The following PEAK1 variants were observed in gnomAD, a reference collection of about 807,000 sequenced individuals.
PEAK1 encodes the protein inactive tyrosine-protein kinase PEAK1.
Under a neutral mutation model 124.7 loss-of-function variants are expected in PEAK1, and 54 were observed. That is an observed-to-expected ratio of 0.43 (90% CI 0.35 to 0.54). The LOEUF is 0.54. Among genes scored for constraint, PEAK1 ranks in the 20% least tolerant of loss-of-function variants. The probability of loss-of-function intolerance (pLI) is 0.01; values close to 1 mark genes in which losing one functional copy is unlikely to be tolerated. For synonymous variants in PEAK1, 719 were observed against 760.0 expected, an observed-to-expected ratio of 0.95 and a Z score of 0.89; for missense variants, 2,046 against 2,134.5, an observed-to-expected ratio of 0.96 and a Z score of 0.82.
chr15:77,346,681 A>C, intron 2 of PEAK1: 1 of 984,076 alleles, frequency 1.0e-6, no homozygotes, highest in Non-Finnish European at 1.2e-6. Flanking sequence ...AAAAACATTA[A>C]TTGTATCTTC....
intron 6 of PEAK1, among the ~76,000 whole-genome samples, chr15:77,208,734 C>T (rs1226986917): frequency 6.6e-6 from 1 of 152,104 alleles, no homozygotes; most frequent in African/African-American, 2.4e-5. Flanking sequence ...GGTTATAAAA[C>T]AGCTAAAGCC....
intron 5 of PEAK1, among the ~76,000 whole-genome samples, chr15:77,256,725 T>C (rs538740725): frequency 2.6e-5 from 4 of 152,152 alleles, no homozygotes; most frequent in African/African-American, 9.7e-5. Flanking sequence ...TAATTTTTTT[T>C]AAATTTTATT....
At chr15:77,331,567 A>C (rs76938225) in intron 2 of PEAK1, among the ~76,000 whole-genome samples, 308 of 152,252 alleles carry the variant, frequency 2.0e-3, no homozygotes, top group African/African-American at 7.1e-3. Flanking sequence ...TTTTAAGTAC[A>C]ATTGTTGGAT....
chr15:77,248,494 CT>C (rs1425492466), intron 6 of PEAK1, among the ~76,000 whole-genome samples: 1 of 152,124 alleles, frequency 6.6e-6, no homozygotes, highest in Non-Finnish European at 1.5e-5. Flanking sequence ...TGATTATATC[CT>C]GAGGACAGAG....
intron 6 of PEAK1, among the ~76,000 whole-genome samples, chr15:77,198,959 GA>G (rs1330355483): frequency 6.6e-6 from 1 of 152,164 alleles, no homozygotes; most frequent in African/African-American, 2.4e-5. Flanking sequence ...TTTGTGGGGG[GA>G]AAAAGCCACC....
At chr15:77,176,297 C>T (rs1056079872) in intron 7 of PEAK1, among the ~76,000 whole-genome samples, 2 of 145,406 alleles carry the variant, frequency 1.4e-5, no homozygotes, top group Admixed American at 6.8e-5. Context: ...AAGAAAAATG[C>T]TAACAAATAA....
chr15:77,289,332 A>C (rs1411180523), intron 2 of PEAK1, among the ~76,000 whole-genome samples: 1 of 152,226 alleles, frequency 6.6e-6, no homozygotes, highest in East Asian at 1.9e-4. Context: ...AGTTTACTGA[A>C]ATTAGAATAA....
chr15:77,107,195 G>C (rs1240244501), downstream of PEAK1: 1 of 152,292 alleles, frequency 6.6e-6, no homozygotes, highest in East Asian at 1.9e-4. Flanking sequence ...CTGACAACTA[G>C]AAGGGAAGTT....
intron 2 of PEAK1, among the ~76,000 whole-genome samples, chr15:77,362,835 A>G (rs991508996): frequency 1.5e-4 from 23 of 152,208 alleles, no homozygotes; most frequent in African/African-American, 5.3e-4. Context: ...AAAAGAAAAA[A>G]AAGTGTGACT....
At chr15:77,235,601 G>T (rs1289783090) in intron 6 of PEAK1, among the ~76,000 whole-genome samples, 2 of 152,174 alleles carry the variant, frequency 1.3e-5, no homozygotes, top group Admixed American at 1.3e-4. Flanking sequence ...AATGTAATAG[G>T]AAAGACAAAC....
chr15:77,249,961 T>A (rs753015564), intron 6 of PEAK1, among the ~76,000 whole-genome samples: 6 of 151,792 alleles, frequency 4.0e-5, no homozygotes, highest in Non-Finnish European at 7.4e-5. Flanking sequence ...TAAAAGTTCC[T>A]TTCTTCAACA....
intron 1 of PEAK1, among the ~76,000 whole-genome samples, chr15:77,384,872 T>C (rs2069792845): frequency 6.6e-6 from 1 of 152,180 alleles, no homozygotes. Flanking sequence ...AGTTGAGTAG[T>C]TGTGACAGAT....
At chr15:77,189,490 G>A (rs923612445) in intron 6 of PEAK1, among the ~76,000 whole-genome samples, 3 of 152,162 alleles carry the variant, frequency 2.0e-5, no homozygotes, top group Non-Finnish European at 4.4e-5. Context: ...ATTCCACCAT[G>A]AATGAAGAAG....
rs559952162 is a variant in PEAK1 at position 77,170,965 on chromosome 15, C to T, written c.3137+7825G>A. ...CCTAACTGGTCACAGACCAGATTAACCACCAAATTAGTTTCTCTGAATCCA... is the reference window on the plus strand; with the variant it reads ...CCTAACTGGTCACAGACCAGATTAATCACCAAATTAGTTTCTCTGAATCCA... On this transcript the variant is annotated intron_variant, in intron 7 of 9. Transcript: ENST00000682557. 7.2e-5 allele frequency among the ~76,000 whole-genome samples: 11 copies of T among 152,276 alleles called. No homozygotes were observed. In the East Asian group the frequency reaches 2.1e-3, roughly 29 times the overall value.
At chr15:77,225,784 T>C (rs2152887264) in intron 6 of PEAK1, among the ~76,000 whole-genome samples, 2 of 145,456 alleles carry the variant, frequency 1.4e-5, no homozygotes, top group South Asian at 4.3e-4. Context: ...TTGAAATAGT[T>C]AATATACTCT....
intron 6 of PEAK1, among the ~76,000 whole-genome samples, chr15:77,211,130 T>C (rs2058884994): frequency 6.6e-6 from 1 of 152,196 alleles, no homozygotes; most frequent in South Asian, 2.1e-4. Context: ...CTATACCTGC[T>C]TTTGTGCTAC....
At chr15:77,261,514 G>A (rs1189514609) in intron 5 of PEAK1, among the ~76,000 whole-genome samples, 2 of 152,062 alleles carry the variant, frequency 1.3e-5, no homozygotes, top group Non-Finnish European at 2.9e-5. Context: ...CTGGAAGAAA[G>A]GGTATCAGTG....
chr15:77,204,656 G>C (rs2152851782), intron 6 of PEAK1: 1 of 152,676 alleles, frequency 6.5e-6, no homozygotes, highest in Middle Eastern at 3.4e-3. Context: ...GCCAATCCCA[G>C]CACTTTGGGA....
chr15:77,237,923 T>C (rs2060195128), intron 6 of PEAK1, among the ~76,000 whole-genome samples: 2 of 152,206 alleles, frequency 1.3e-5, no homozygotes, highest in African/African-American at 4.8e-5. Flanking sequence ...ATGTTTTATG[T>C]GCTCCTTGTA....
Sources: gnomAD v4.1 joint callset for allele counts (sites outside exome capture counted in the v4.1 genomes callset) on GRCh38, gnomAD v4.1.1 for gene constraint, MANE v1.5 for transcripts, NCBI Gene and HGNC (gene_info 2026-07-23, HGNC 2026-07-21) for gene names.